Variants in ABHD2 observed in about 807,000 individuals in gnomAD.
The protein encoded by ABHD2 is abhydrolase domain containing 2, acylglycerol lipase.
A neutral mutation model predicts 48.1 loss-of-function variants in ABHD2; 20 were observed. That is an observed-to-expected ratio of 0.42 (90% CI 0.29 to 0.60). The LOEUF is 0.60. Ranked by LOEUF, ABHD2 falls within the 20% of genes least tolerant of loss-of-function variation. ABHD2 has a pLI of 0.24. For missense variants in ABHD2, 405 were observed against 550.9 expected, an observed-to-expected ratio of 0.74 and a Z score of 2.65; for synonymous variants, 209 against 214.2, an observed-to-expected ratio of 0.98 and a Z score of 0.21.
In ABHD2 at chr15:89,116,581, G is replaced by A. The variant is rs1018724462; in HGVS notation, c.194+60G>A. On this transcript the variant is annotated intron_variant, in intron 3 of 10. Coordinates refer to ENST00000352732, the MANE Select transcript of ABHD2 (RefSeq NM_152924.5). The surrounding 1 kb of genome is among the most constrained non-coding windows in gnomAD (Gnocchi z 4.6). ...GCTGATGTATTTGGCTTTGTGTGATGTTCAAAGAAGAAACTTCTCTCATCG... is the reference window on the plus strand; with the variant it reads ...GCTGATGTATTTGGCTTTGTGTGATATTCAAAGAAGAAACTTCTCTCATCG... 6.0e-5 allele frequency: 92 copies of A among 1,531,018 alleles called. 1 individual carries two copies. In the Admixed American group the frequency reaches 1.7e-3, roughly 29 times the overall value. The allele number at this position is 1,531,018 out of a possible 1,614,324, so 94.8% of individuals were successfully genotyped here. A position where few individuals can be genotyped will look rare whatever the true frequency, so the allele number is the denominator to read the frequency against.
In ABHD2 at chr15:89,103,239, T is replaced by C. The variant is rs117063472; in HGVS notation, c.-106-10486T>C. ...CTTAGCAGTTGCTTTAAAACTAACA[T>C]TTTTCTAATCTTGAAATATTTAATA... On this transcript the variant is annotated intron_variant, in intron 1 of 10. Coordinates refer to ENST00000352732, the MANE Select transcript of ABHD2 (RefSeq NM_152924.5). Among the ~76,000 whole-genome samples the C allele has an allele frequency of 7.9e-5, 12 of 152,314 alleles. No homozygotes were observed. The East Asian group carries it at 2.1e-3, about 27-fold the overall frequency.
At chr15:89,144,444 G>A (rs2050459652) in intron 3 of ABHD2, among the ~76,000 whole-genome samples, 1 of 152,022 alleles carries the variant, frequency 6.6e-6, no homozygotes, top group Admixed American at 6.6e-5. Flanking sequence ...ACCATTCAGT[G>A]TCTATAACTG....
At chr15:89,191,279 T>G in intron 9 of ABHD2, 130 bp downstream of exon 9, 1 of 854,118 alleles carries the variant, frequency 1.2e-6, no homozygotes, top group South Asian at 1.7e-5. Context: ...TCTTTTAGCT[T>G]GGATTTGTTT....
At position 89,092,249 on chromosome 15, in the gene ABHD2, A is replaced by G. The variant is rs1901625048; in HGVS notation, c.-107+3686A>G. Among the ~76,000 whole-genome samples the G allele has an allele frequency of 6.6e-6, 1 of 152,186 alleles. No individual in the cohort carries two copies. Among genetic ancestry groups the G allele is most frequent in the South Asian group, 2.1e-4 (1 of 4,828 alleles). ...ACCGACTCATTGTCTGATCTTTCAC[A>G]ATAAATAGCAGACAGGTGAAGAGCT... On this transcript the variant is annotated intron_variant, in intron 1 of 10. Transcript: ENST00000352732. The surrounding 1 kb of genome is among the most constrained non-coding windows in gnomAD (Gnocchi z 4.4).
At chr15:89,126,075 C>T (rs927279721) in intron 3 of ABHD2, among the ~76,000 whole-genome samples, 5 of 152,190 alleles carry the variant, frequency 3.3e-5, no homozygotes, top group Admixed American at 6.5e-5. Context: ...ACCCTTATAC[C>T]GCCCTATTCA....
upstream of ABHD2, chr15:89,082,497 C>G (rs1596047980): frequency 2.6e-5 from 4 of 152,510 alleles, no homozygotes; most frequent in African/African-American, 9.6e-5. The surrounding 1 kb of genome is among the most constrained non-coding windows in gnomAD (Gnocchi z 4.4). Context: ...ACAGGCCTAC[C>G]TGGAATGCCA....
intron 3 of ABHD2, among the ~76,000 whole-genome samples, chr15:89,139,096 A>T (rs2050363339): frequency 1.3e-5 from 2 of 152,158 alleles, no homozygotes; most frequent in East Asian, 3.9e-4. Context: ...CTGTGGTCCC[A>T]GCTACTCAGG....
At position 89,195,561 on chromosome 15, in the gene ABHD2, C is replaced by G. The variant is rs1291933321; in HGVS notation, c.*138C>G. 1.1e-6 allele frequency: 1 copy of G among 895,356 alleles called. No individual in the cohort carries two copies. The allele number at this position is 895,356 out of a possible 1,614,324, so 55.5% of individuals were successfully genotyped here. On this transcript the variant is annotated 3_prime_UTR_variant, in exon 11 of 11. Transcript: ENST00000352732. The surrounding 1 kb of genome is among the most constrained non-coding windows in gnomAD (Gnocchi z 5.1). Reference sequence around the variant, plus strand: ...CAGCAGGGGGCACCCACCATGCACACCTGTCTCGGAGTAGGCAGCTCTTCC... The same window carrying G: ...CAGCAGGGGGCACCCACCATGCACAGCTGTCTCGGAGTAGGCAGCTCTTCC...
chr15:89,068,754 C>G, the ABHD2 span, among the ~76,000 whole-genome samples: 93 of 71,388 alleles, frequency 1.3e-3, no homozygotes, highest in African/African-American at 2.9e-3. Flanking sequence ...CAAGCTTCCT[C>G]TTTTTTTTTT....
chr15:89,127,987 C>T (rs1830704888), intron 3 of ABHD2, among the ~76,000 whole-genome samples: 1 of 151,972 alleles, frequency 6.6e-6, no homozygotes, highest in South Asian at 2.1e-4. Flanking sequence ...AATAACTTTC[C>T]ACATATGTAT....
At chr15:89,073,750 ATAT>A in the ABHD2 span, among the ~76,000 whole-genome samples, 593 of 152,276 alleles carry the variant, frequency 3.9e-3, 3 homozygotes, top group African/African-American at 0.011. Context: ...TGCATTTCTA[ATAT>A]CATGATATCG....
At chr15:89,107,501 A>C (rs933040659) in intron 1 of ABHD2, among the ~76,000 whole-genome samples, 3 of 152,132 alleles carry the variant, frequency 2.0e-5, no homozygotes, top group African/African-American at 4.8e-5. Context: ...AATGGAGGAA[A>C]GTTTAATAGT....
chr15:89,074,982 C>G, the ABHD2 span, among the ~76,000 whole-genome samples: 1 of 152,172 alleles, frequency 6.6e-6, no homozygotes. Context: ...ATTCCCTTCA[C>G]CCCCAACCCT....
At chr15:89,138,889 A>C (rs1029104761) in intron 3 of ABHD2, among the ~76,000 whole-genome samples, 1 of 151,750 alleles carries the variant, frequency 6.6e-6, no homozygotes, top group Non-Finnish European at 1.5e-5. Flanking sequence ...CATTTTTAAA[A>C]CGGGGAAGAC....
rs2051465927 is a variant in ABHD2, at chr15:89,201,597, TCAATAATTC to T, written c.*6177_*6185del. 1 of 1,594,604 alleles carries T rather than the reference TCAATAATTC, an allele frequency of 6.3e-7. No individual in the cohort carries two copies. Among genetic ancestry groups the T allele is most frequent in the Non-Finnish European group, 8.6e-7 (1 of 1,162,438 alleles). ...TGAAACAGTCACAGTTGACCCTGGG[TCAATAATTC>T]CACTGTTGGGCCTCACACAGTACCG... On this transcript the variant is annotated 3_prime_UTR_variant, in exon 11 of 11. Transcript: ENST00000352732.
In ABHD2 at chr15:89,185,356, A is replaced by T; in HGVS notation, c.723-68A>T. The T allele has an allele frequency of 7.8e-7, 1 of 1,281,606 alleles. No individual in the cohort carries two copies. Among genetic ancestry groups the T allele is most frequent in the Non-Finnish European group, 1.1e-6 (1 of 884,778 alleles). 79.4% of individuals were successfully genotyped at this position (1,281,606 alleles called of 1,614,324 possible). A position where few individuals can be genotyped will look rare whatever the true frequency, so the allele number is the denominator to read the frequency against. ...CACAAGCACCTCACCCCATGGCTAG[A>T]GCCCCCTCCTGGCTGCCCGCCTGCA... On this transcript the variant is annotated intron_variant, in intron 6 of 10. Coordinates refer to ENST00000352732, the MANE Select transcript of ABHD2 (RefSeq NM_152924.5). The surrounding 1 kb of genome is among the most constrained non-coding windows in gnomAD (Gnocchi z 5.9).
the ABHD2 span, among the ~76,000 whole-genome samples, chr15:89,048,876 C>G: frequency 4.1e-5 from 6 of 147,934 alleles, no homozygotes; most frequent in Admixed American, 2.0e-4. Context: ...ATTTGATCGT[C>G]TGAAGCCTCC....
the ABHD2 span, among the ~76,000 whole-genome samples, chr15:89,079,598 C>G: frequency 6.6e-6 from 1 of 152,222 alleles, no homozygotes; most frequent in Admixed American, 6.5e-5. This position sits in a 1 kb window ranked among gnomAD's most constrained non-coding sequence, Gnocchi z 4.3. Context: ...TGAACCCTCT[C>G]CCCAGTGAAA....
intron 5 of ABHD2, among the ~76,000 whole-genome samples, chr15:89,170,846 G>A (rs1443824386): frequency 1.3e-5 from 2 of 152,156 alleles, no homozygotes; most frequent in Non-Finnish European, 2.9e-5. Flanking sequence ...GGCCGGGCGC[G>A]GTGGCTCACA....
Sources: allele counts gnomAD v4.1 joint callset (sites outside exome capture counted in the v4.1 genomes callset), GRCh38; gene constraint gnomAD v4.1.1; non-coding constraint Gnocchi (gnomAD v3.1); transcripts MANE v1.5; gene names NCBI Gene and HGNC (gene_info 2026-07-23, HGNC 2026-07-21).